The following XIRP2 variants were observed in gnomAD, a reference collection of about 807,000 sequenced individuals.
XIRP2 encodes xin actin binding repeat containing 2.
A neutral mutation model predicts 277.0 loss-of-function variants in XIRP2; 236 were observed. The observed-to-expected ratio is 0.85, with a 90% confidence interval of 0.77 to 0.95. The LOEUF (loss-of-function observed/expected upper bound fraction) is 0.95, where lower values mean the gene tolerates loss of function less well. Ranked by LOEUF, XIRP2 falls within the 40% of genes least tolerant of loss-of-function variation. XIRP2 has a pLI of 0.00. For missense variants in XIRP2, 4,640 were observed against 4,157.5 expected (o/e 1.12, Z -3.19); for synonymous variants, 1,490 against 1,416.5 (o/e 1.05, Z -1.17).
intron 2 of XIRP2, among the ~76,000 whole-genome samples, chr2:167,123,601 A>G (rs1316138308): frequency 1.3e-5 from 2 of 152,126 alleles, no homozygotes; most frequent in African/African-American, 2.4e-5. Flanking sequence ...TAAGTGAAGA[A>G]GCTATTCCAG....
intron 2 of XIRP2, among the ~76,000 whole-genome samples, chr2:166,994,589 AT>A (rs1427832572): frequency 7.7e-5 from 11 of 142,340 alleles, no homozygotes; most frequent in Non-Finnish European, 7.6e-5. Context: ...TCAAATTACA[AT>A]ATGGTAGGAC....
intron 2 of XIRP2, among the ~76,000 whole-genome samples, chr2:167,000,888 A>G (rs1424625505): frequency 1.3e-5 from 2 of 152,146 alleles, no homozygotes; most frequent in Non-Finnish European, 2.9e-5. Context: ...TACAATGGAT[A>G]TAAGAAAGTC....
At chr2:167,082,867 T>C (rs1420841590) in intron 2 of XIRP2, among the ~76,000 whole-genome samples, 5 of 152,148 alleles carry the variant, frequency 3.3e-5, no homozygotes, top group African/African-American at 7.2e-5. Flanking sequence ...GAGTAGGTTG[T>C]GAACATTTTC....
intron 2 of XIRP2, among the ~76,000 whole-genome samples, chr2:166,975,812 G>A (rs1405059661): frequency 2.6e-5 from 4 of 151,618 alleles, no homozygotes; most frequent in Non-Finnish European, 4.4e-5. Context: ...TGTAGTCCCA[G>A]CTACTCGGGA....
rs148006899 is a variant in XIRP2, at chr2:166,914,356, T to C, written c.408+10466T>C. Among the ~76,000 whole-genome samples, 651 of 152,316 alleles carry C rather than the reference T, an allele frequency of 4.3e-3. 6 individuals are homozygous for C. The highest frequency in any genetic ancestry group is 0.02 in the Middle Eastern group (6 of 294). On this transcript the variant is annotated intron_variant, in intron 2 of 10. Transcript: ENST00000409195. Reference sequence around the variant, plus strand: ...ATATTTTTTTTGTTTTGTTTTGTTTTTTGAGATGGAGTCTCGCTCTGTCAC... The same window carrying C: ...ATATTTTTTTTGTTTTGTTTTGTTTCTTGAGATGGAGTCTCGCTCTGTCAC...
intron 2 of XIRP2, among the ~76,000 whole-genome samples, chr2:167,001,628 C>T (rs1277360758): frequency 6.6e-6 from 1 of 152,040 alleles, no homozygotes; most frequent in Non-Finnish European, 1.5e-5. Context: ...TTGTAAATAA[C>T]CTGCATTATT....
intron 2 of XIRP2, among the ~76,000 whole-genome samples, chr2:166,942,999 T>G (rs2105385224): frequency 6.6e-6 from 1 of 152,254 alleles, no homozygotes; most frequent in East Asian, 1.9e-4. Flanking sequence ...TGAATAAAAT[T>G]AAATCCCACT....
At chr2:167,000,465 A>T (rs1687334306) in intron 2 of XIRP2, among the ~76,000 whole-genome samples, 1 of 150,270 alleles carries the variant, frequency 6.7e-6, no homozygotes, top group African/African-American at 2.4e-5. Context: ...AGTTAGAGCT[A>T]GGGTTAATTT....
At chr2:167,196,623 G>A (rs937558013) in intron 3 of XIRP2, among the ~76,000 whole-genome samples, 1 of 152,096 alleles carries the variant, frequency 6.6e-6, no homozygotes, top group African/African-American at 2.4e-5. Flanking sequence ...GATTAGCGAG[G>A]TTTGTGACAT....
At chr2:167,002,952 T>G (rs1687410638) in intron 2 of XIRP2, among the ~76,000 whole-genome samples, 1 of 151,944 alleles carries the variant, frequency 6.6e-6, no homozygotes. Context: ...CTATAGTTTA[T>G]GAAATTTGAA....
intron 2 of XIRP2, among the ~76,000 whole-genome samples, chr2:166,980,453 G>C (rs1247313093): frequency 6.6e-6 from 1 of 151,714 alleles, no homozygotes; most frequent in Non-Finnish European, 1.5e-5. Flanking sequence ...TTTCACTTTT[G>C]TTGCCCAGGC....
chr2:166,985,439 CTT>C (rs535512847), intron 2 of XIRP2, among the ~76,000 whole-genome samples: 5 of 144,694 alleles, frequency 3.5e-5, no homozygotes, highest in African/African-American at 2.5e-5. Context: ...TCTTTTCTTT[CTT>C]TTTTTTTTTT....
intron 3 of XIRP2, among the ~76,000 whole-genome samples, chr2:167,160,611 T>C (rs1158190756): frequency 6.6e-6 from 1 of 152,154 alleles, no homozygotes; most frequent in Admixed American, 6.5e-5. Context: ...GTGAGACTTA[T>C]TCACTATCAT....
chr2:167,251,127 T>C lies in XIRP2; in HGVS notation c.9735T>C (p.Asn3245=). The C allele has an allele frequency of 6.2e-7, 1 of 1,613,444 alleles. No homozygotes were observed. The highest frequency in any genetic ancestry group is 1.3e-5 in the African/African-American group (1 of 74,972). Residue 3245 remains asparagine, a synonymous_variant, in exon 9 of 11, where the codon AAT becomes AAC. Transcript: ENST00000409195. ...PPTITIPVNI[N]HAASGSFRES... is the part of the protein sequence containing the mutation. ...CAATCACAATACCAGTAAATATAAA[T>C]CATGCTGCTAGTGGTTCCTTCAGAG...
intron 2 of XIRP2, among the ~76,000 whole-genome samples, chr2:167,052,859 G>A (rs772491491): frequency 1.8e-4 from 27 of 152,308 alleles, no homozygotes; most frequent in Admixed American, 5.9e-4. Context: ...GAGGGACTTA[G>A]TCTTCTTAAA....
intron 3 of XIRP2, among the ~76,000 whole-genome samples, chr2:167,177,548 A>C (rs1185275953): frequency 6.6e-6 from 1 of 152,164 alleles, no homozygotes; most frequent in Non-Finnish European, 1.5e-5. Flanking sequence ...ACAAATTCTC[A>C]ATTTGTAGGC....
Position 167,164,717 on chromosome 2 carries a change from T to C in XIRP2, c.562+28655T>C, listed in dbSNP as rs77660829. 1.7e-3 allele frequency among the ~76,000 whole-genome samples: 254 copies of C among 152,272 alleles called. 5 individuals are homozygous for C. The East Asian group carries it at 0.046, about 27-fold the overall frequency. On this transcript the variant is annotated intron_variant, in intron 3 of 10. Transcript: ENST00000409195. Reference sequence around the variant, plus strand: ...TCCAGTATATTATCCTTTTAGATTTTTAATGGACATTATTTTTAATCAATT... The same window carrying C: ...TCCAGTATATTATCCTTTTAGATTTCTAATGGACATTATTTTTAATCAATT...
At chr2:167,009,003 T>C (rs2105466568) in intron 2 of XIRP2, among the ~76,000 whole-genome samples, 1 of 151,568 alleles carries the variant, frequency 6.6e-6, no homozygotes, top group Admixed American at 6.6e-5. Flanking sequence ...AAGAGATTAA[T>C]TTCTTTTATA....
chr2:167,250,211 G>C lies in XIRP2; in HGVS notation c.8819G>C (p.Gly2940Ala). 1 of 1,613,556 alleles carries C rather than the reference G, an allele frequency of 6.2e-7. No homozygotes were observed. ...GAATCCCAGCGGGATGATGGAAAAG[G>C]TGCCTTAAATATAGTGGAATTCTTG... Reference protein sequence around the residue: ...VKESQRDDGKGALNIVEFLRK... With the variant: ...VKESQRDDGKAALNIVEFLRK... The change falls in exon 9 of 11, where the codon GGT becomes GCT. Residue 2940 changes from glycine (G) to alanine (A), a missense_variant. Physicochemically the swap from Gly to Ala is moderately conservative, Grantham distance 60. Transcript: ENST00000409195.
Sources: gnomAD v4.1 joint callset for allele counts (sites outside exome capture counted in the v4.1 genomes callset) on GRCh38, gnomAD v4.1.1 for gene constraint, MANE v1.5 for transcripts, NCBI Gene and HGNC (gene_info 2026-07-23, HGNC 2026-07-21) for gene names.